The following RALGAPA2 variants were observed in gnomAD, a reference collection of about 807,000 sequenced individuals.
RALGAPA2 encodes the protein Ral GTPase activating protein catalytic subunit alpha 2.
In RALGAPA2, 139 loss-of-function variants were observed where a neutral mutation model predicts 230.4. The observed-to-expected ratio is 0.60, with a 90% CI of 0.53 to 0.69. RALGAPA2 has a LOEUF of 0.69. Ranked by LOEUF, RALGAPA2 falls within the 30% of genes least tolerant of loss-of-function variation. The probability of loss-of-function intolerance (pLI) is 0.00; values close to 1 mark genes in which losing one functional copy is unlikely to be tolerated. For missense variants in RALGAPA2, 2,163 were observed against 2,276.0 expected (o/e 0.95, Z 1.01); for synonymous variants, 847 against 837.8 (o/e 1.01, Z -0.19).
At chr20:20,703,166 C>A (rs1276355569) in intron 1 of RALGAPA2, among the ~76,000 whole-genome samples, 6 of 151,434 alleles carry the variant, frequency 4.0e-5, no homozygotes, top group Non-Finnish European at 7.4e-5. Flanking sequence ...AACCAAGACT[C>A]CATCTCAAAA....
intron 20 of RALGAPA2, among the ~76,000 whole-genome samples, chr20:20,579,826 T>C (rs1014385663): frequency 2.6e-5 from 4 of 152,164 alleles, no homozygotes; most frequent in Non-Finnish European, 5.9e-5. Context: ...AATACATTGT[T>C]TCCTTGTCAG....
intron 36 of RALGAPA2, among the ~76,000 whole-genome samples, chr20:20,481,436 A>T (rs1435301992): frequency 6.6e-6 from 1 of 152,218 alleles, no homozygotes; most frequent in Non-Finnish European, 1.5e-5. Context: ...GAGGCAGGCC[A>T]CATTGAAAAT....
intron 16 of RALGAPA2, 87 bp downstream of exon 16, chr20:20,601,589 AAATTTT>A: frequency 7.7e-7 from 1 of 1,298,306 alleles, no homozygotes; most frequent in Non-Finnish European, 1.0e-6. Flanking sequence ...TCTAATATTT[AAATTTT>A]GAGTAGAATT....
intron 25 of RALGAPA2, 57 bp from the exon 26 acceptor site, chr20:20,535,860 T>C: frequency 6.6e-7 from 1 of 1,516,228 alleles, no homozygotes; most frequent in Non-Finnish European, 8.9e-7. Flanking sequence ...GTTTCCCACA[T>C]GTTCTGACCA....
chr20:20,629,640 A>C, intron 9 of RALGAPA2, 50 bp from the exon 10 acceptor site: 1 of 1,578,742 alleles, frequency 6.3e-7, no homozygotes, highest in Non-Finnish European at 8.7e-7. Context: ...CCACTCAAGA[A>C]CACCTGGCAA....
rs769493289 is a variant in RALGAPA2 at position 20,629,507 on chromosome 20, G to A, written c.1089C>T (p.Asn363=). The A allele has an allele frequency of 2.5e-6, 4 of 1,613,860 alleles. No individual in the cohort carries two copies. The highest frequency in any genetic ancestry group is 3.3e-5 in the Admixed American group (2 of 60,002). ...GPTEQDKSHS[N]SSTLSDRRLS... ...GTCTTCGGTCCGACAAGGTGCTGCT[G>A]TTAGAATGGCTTTTGTCCTGCTCCG... Residue 363 remains asparagine (N), a synonymous_variant, in exon 10 of 40, where the codon AAC becomes AAT. Transcript: ENST00000202677.
At chr20:20,498,711 G>A (rs1035186242) in intron 35 of RALGAPA2, among the ~76,000 whole-genome samples, 1 of 152,198 alleles carries the variant, frequency 6.6e-6, no homozygotes, top group African/African-American at 2.4e-5. Flanking sequence ...CCAGAACAGC[G>A]CTGCCTGGAG....
chr20:20,405,255 G>A (rs191146691), intron 38 of RALGAPA2, among the ~76,000 whole-genome samples: 1 of 152,348 alleles, frequency 6.6e-6, no homozygotes, highest in East Asian at 1.9e-4. Flanking sequence ...TGTGGTTATA[G>A]TTTGGAGGAA....
At position 20,524,840 on chromosome 20, in the gene RALGAPA2, G is replaced by T; in HGVS notation, c.3752C>A (p.Thr1251Lys). The T allele has an allele frequency of 6.2e-7, 1 of 1,603,532 alleles. No homozygotes were observed. The highest frequency in any genetic ancestry group is 8.5e-7 in the Non-Finnish European group (1 of 1,176,326). Residue 1251 changes from threonine to lysine, a missense_variant, in exon 29 of 40, where the codon ACA (threonine) becomes AAA (lysine). Transcript: ENST00000202677. ...LPSAEYSSVE[T>K]DKKFIVSLLL... ...TAATGTGCCACCTACCTTCTTGTCT[G>T]TTTCCACTGAGGAGTACTCTGCACT...
rs1157675825 is a variant in RALGAPA2, at chr20:20,619,283, C to T, written c.1533G>A (p.Leu511=). The T allele has an allele frequency of 6.2e-7, 1 of 1,600,422 alleles. No individual in the cohort carries two copies. Among genetic ancestry groups the T allele is most frequent in the Non-Finnish European group, 8.5e-7 (1 of 1,171,532 alleles). The part of the protein sequence containing the change: ...NTNVKAGVQA[L]LQVFLTNSAN... ...GTCCTGGCCAGCCACATACCTGCAA[C>T]AAAGCCTGGACGCCGGCTTTCACAT... Residue 511 remains leucine, a synonymous_variant, in exon 12 of 40, where the codon TTG becomes TTA. Coordinates refer to ENST00000202677, the MANE Select transcript of RALGAPA2 (RefSeq NM_020343.4).
intron 4 of RALGAPA2, among the ~76,000 whole-genome samples, chr20:20,646,140 C>T (rs918120725): frequency 2.6e-5 from 4 of 151,924 alleles, no homozygotes; most frequent in East Asian, 3.9e-4. Context: ...CTGCAACCTC[C>T]GCCTCTAGGG....
At chr20:20,559,805 C>T (rs975685486) in intron 23 of RALGAPA2, among the ~76,000 whole-genome samples, 7 of 152,016 alleles carry the variant, frequency 4.6e-5, no homozygotes, top group Admixed American at 3.3e-4. Context: ...CTTTACCTTT[C>T]GAACAACAAT....
intron 35 of RALGAPA2, among the ~76,000 whole-genome samples, chr20:20,501,879 C>T (rs908512667): frequency 8.6e-5 from 13 of 152,004 alleles, no homozygotes; most frequent in Admixed American, 6.6e-4. Context: ...AATAGGAAGG[C>T]CCAAGGAGCG....
At chr20:20,423,187 A>AG (rs2060314041) in intron 37 of RALGAPA2, among the ~76,000 whole-genome samples, 1 of 152,108 alleles carries the variant, frequency 6.6e-6, no homozygotes, top group South Asian at 2.1e-4. Flanking sequence ...TGGGACAAAA[A>AG]GGGACCTGAG....
Position 20,591,385 on chromosome 20 carries a change from A to G in RALGAPA2, c.2204-71T>C, listed in dbSNP as rs6132319. 17,296 of 1,453,092 alleles carry G rather than the reference A, an allele frequency of 0.012. 549 individuals are homozygous for G. The East Asian group carries it at 0.12, about 10-fold the overall frequency. The allele number at this position is 1,453,092 out of a possible 1,614,324, so 90.0% of individuals were successfully genotyped here. On this transcript the variant is annotated intron_variant, in intron 16 of 39. Transcript: ENST00000202677. ...AAAAACACATTCACCACTTAAAACA[A>G]CCGATTTAAAAAATAAAGTTTCAAA...
intron 38 of RALGAPA2, among the ~76,000 whole-genome samples, chr20:20,399,701 A>G (rs927455212): frequency 6.6e-6 from 1 of 152,204 alleles, no homozygotes; most frequent in African/African-American, 2.4e-5. Flanking sequence ...GTGTTGTGTT[A>G]TGTGCGGCTC....
intron 37 of RALGAPA2, among the ~76,000 whole-genome samples, chr20:20,443,202 A>T (rs966719009): frequency 6.6e-6 from 1 of 152,262 alleles, no homozygotes; most frequent in Non-Finnish European, 1.5e-5. Context: ...GTAAGATTGT[A>T]ATACCAGAAG....
At chr20:20,594,384 TGGG>T (rs2065384845) in intron 16 of RALGAPA2, among the ~76,000 whole-genome samples, 1 of 152,160 alleles carries the variant, frequency 6.6e-6, no homozygotes, top group South Asian at 2.1e-4. Flanking sequence ...TCTCATTCTG[TGGG>T]GTTAGCTGTT....
intron 7 of RALGAPA2, among the ~76,000 whole-genome samples, chr20:20,639,387 A>G (rs987748034): frequency 6.6e-6 from 1 of 152,256 alleles, no homozygotes; most frequent in Non-Finnish European, 1.5e-5. Flanking sequence ...GAAAAATAAT[A>G]CATGACATAA....
Sources: gnomAD v4.1 joint callset for allele counts (sites outside exome capture counted in the v4.1 genomes callset) on GRCh38, gnomAD v4.1.1 for gene constraint, MANE v1.5 for transcripts, NCBI Gene and HGNC (gene_info 2026-07-23, HGNC 2026-07-21) for gene names.